The following INTS1 variants were observed in gnomAD, a reference collection of about 807,000 sequenced individuals.
INTS1 encodes the protein integrator complex subunit 1.
INTS1 carries 137 observed loss-of-function variants against 241.6 expected under a neutral mutation model. That is an observed-to-expected ratio of 0.57 (90% CI 0.49 to 0.65). The LOEUF (loss-of-function observed/expected upper bound fraction) is 0.65. INTS1 is among the 30% of genes least tolerant of loss of function. INTS1 has a pLI of 0.00. For missense variants in INTS1, 3,073 were observed against 3,032.2 expected, an observed-to-expected ratio of 1.01 and a Z score of -0.32; for synonymous variants, 1,692 against 1,337.8, an observed-to-expected ratio of 1.26 and a Z score of -5.78.
In INTS1 at chr7:1,472,308, T is replaced by A. The variant is rs745345293; in HGVS notation, c.6149A>T (p.Tyr2050Phe). 2.6e-5 allele frequency: 41 copies of A among 1,566,682 alleles called. No homozygotes were observed. Among genetic ancestry groups the A allele is most frequent in the Non-Finnish European group, 3.5e-5 (41 of 1,156,412 alleles). The change falls in exon 44 of 48, where the codon TAC becomes TTC. Residue 2050 changes from tyrosine (Y) to phenylalanine (F), a missense_variant. By Grantham distance (22) the Tyr-to-Phe change is conservative (BLOSUM62 3). Coordinates refer to ENST00000404767, the MANE Select transcript of INTS1 (RefSeq NM_001080453.3). ...TTGGCCCCGGGAAAGCCGTTTCATG[T>A]AGGGGGCCATCTCGGCCGCGGTCAG... The part of the protein sequence containing the change: ...TPLTAAEMAP[Y>F]MKRLSRGQTV...
chr7:1,473,464 G>C, intron 42 of INTS1, 102 bp downstream of exon 42: 1 of 1,387,688 alleles, frequency 7.2e-7, no homozygotes. Flanking sequence ...GGCCTCAGGA[G>C]CAGCATATCT....
intron 10 of INTS1, 66 bp downstream of exon 10, chr7:1,498,346 C>A: frequency 1.3e-6 from 2 of 1,589,158 alleles, no homozygotes; most frequent in South Asian, 2.3e-5. Context: ...CCAGACGCCA[C>A]GTGCCCCTCC....
chr7:1,471,307 T>C (rs1781457973), intron 45 of INTS1, 83 bp from the exon 46 acceptor site: 3 of 1,409,130 alleles, frequency 2.1e-6, no homozygotes, highest in South Asian at 1.2e-5. Flanking sequence ...CTCGTGATGG[T>C]TGGCGGCAAC....
chr7:1,486,788 G>A lies in INTS1; in HGVS notation c.2827-14C>T. 2 of 1,610,850 alleles carry A rather than the reference G, an allele frequency of 1.2e-6. No homozygotes were observed. The highest frequency in any genetic ancestry group is 1.7e-6 in the Non-Finnish European group (2 of 1,179,104). On this transcript the variant is annotated splice_polypyrimidine_tract_variant and intron_variant, in intron 21 of 47. Coordinates refer to ENST00000404767, the MANE Select transcript of INTS1 (RefSeq NM_001080453.3). ...CTTCTGTTGCCTCTGCAGGGAGGAA[G>A]GGGCTCTCAGGGGTGCAGGTGACAG...
In INTS1 at chr7:1,481,258, C is replaced by T. The variant is rs1781979883; in HGVS notation, c.3850+84G>A. The T allele has an allele frequency of 1.3e-6, 2 of 1,520,756 alleles. No individual in the cohort carries two copies. Among genetic ancestry groups the T allele is most frequent in the Middle Eastern group, 1.7e-4 (1 of 5,914 alleles). 94.2% of individuals were successfully genotyped at this position (1,520,756 alleles called of 1,614,324 possible). A position where few individuals can be genotyped will look rare whatever the true frequency, so the allele number is the denominator to read the frequency against. ...CACCCGACCTCGGATCACCCACCCG[C>T]TCGCACCCAGGCCCCAAAAGCCTGG... On this transcript the variant is annotated intron_variant, in intron 28 of 47. Transcript: ENST00000404767. This position sits in a 1 kb window ranked among gnomAD's most constrained non-coding sequence, Gnocchi z 6.8.
At chr7:1,498,953 C>A in intron 8 of INTS1, 22 bp downstream of exon 8, 1 of 1,468,296 alleles carries the variant, frequency 6.8e-7, no homozygotes, top group Non-Finnish European at 9.1e-7. Flanking sequence ...GCCCCGCCCA[C>A]CCCCCCGGGG....
chr7:1,487,379 C>T lies in INTS1; in HGVS notation c.2587G>A (p.Gly863Arg), dbSNP rs1227490464. ...VKSLNQSLRL[G>R]HLLCRSRNPD... ...TTTCGGCTGCGGCACAAGAGGTGCCCGAGGCGGAGGGACTGGTTGAGGCTT... is the reference window on the plus strand; with the variant it reads ...TTTCGGCTGCGGCACAAGAGGTGCCTGAGGCGGAGGGACTGGTTGAGGCTT... Residue 863 changes from glycine (G) to arginine (R), a missense_variant, in exon 20 of 48, where the codon GGG becomes AGG. Coordinates refer to ENST00000404767, the MANE Select transcript of INTS1 (RefSeq NM_001080453.3). The T allele has an allele frequency of 6.8e-6, 11 of 1,611,054 alleles. No individual in the cohort carries two copies. The highest frequency in any genetic ancestry group is 9.3e-6 in the Non-Finnish European group (11 of 1,179,032).
At chr7:1,478,096 AGGAGAGTGCGGCCGGGGCT>A (rs542322561) in intron 33 of INTS1, among the ~76,000 whole-genome samples, 160 bp from the exon 34 acceptor site, 1,918 of 152,022 alleles carry the variant, frequency 0.013, 26 homozygotes, top group Admixed American at 0.019. Context: ...GGGGCCGGAG[AGGAGAGTGCGGCCGGGGCT>A]GGAGAGTGCG....
chr7:1,504,071 C>T (rs1056874317), intron 1 of INTS1, 70 bp from the exon 2 acceptor site: 2 of 822,612 alleles, frequency 2.4e-6, no homozygotes, highest in East Asian at 3.0e-5. Flanking sequence ...CGCTCCCTTG[C>T]CGCACGGGGC....
intron 21 of INTS1, 27 bp downstream of exon 21, chr7:1,486,895 G>T (rs754156410): frequency 2.5e-6 from 4 of 1,587,272 alleles, no homozygotes; most frequent in South Asian, 1.1e-5. Flanking sequence ...TGAGAGGCGG[G>T]GGGGCTGAGG....
chr7:1,491,014 A>C (rs1169262760), intron 16 of INTS1, among the ~76,000 whole-genome samples: 1 of 152,228 alleles, frequency 6.6e-6, no homozygotes, highest in Non-Finnish European at 1.5e-5. Flanking sequence ...TCTCAACAAC[A>C]GTGCTGCGAC....
chr7:1,476,335 T>C lies in INTS1; in HGVS notation c.5272A>G (p.Ile1758Val), dbSNP rs371438264. 58 of 1,584,668 alleles carry C rather than the reference T, an allele frequency of 3.7e-5. No individual in the cohort carries two copies. In the African/African-American group the frequency reaches 7.0e-4, roughly 19 times the overall value. Residue 1758 changes from isoleucine to valine, a missense_variant, in exon 38 of 48, where the codon ATC becomes GTC. Ile to Val is a conservative substitution (Grantham distance 29). Coordinates refer to ENST00000404767, the MANE Select transcript of INTS1 (RefSeq NM_001080453.3). ...AGCAGCAGGGGCAGCCGGGCCTGGA[T>C]GAGGCTGCAGGCGGCTGTGTCCCCG... ...QDGDTAACSL[I>V]QARLPLLLSC...
Position 1,470,624 on chromosome 7 carries a change from G to C in INTS1, c.6526C>G (p.Gln2176Glu). 6.3e-7 allele frequency: 1 copy of C among 1,587,366 alleles called. No homozygotes were observed. The highest frequency in any genetic ancestry group is 8.6e-7 in the Non-Finnish European group (1 of 1,167,884). Residue 2176 changes from glutamine (Q) to glutamate (E), a missense_variant, in exon 48 of 48, where the codon CAG becomes GAG. Transcript: ENST00000404767. ...AGGATCCTCAGGGCCTCGGAGATCT[G>C]CGCGCTGGGGTCCATCTGGCCGTAC... ...GMYGQMDPSA[Q>E]ISEALRILHM...
Position 1,474,317 on chromosome 7 carries a change from G to T in INTS1, c.5680C>A (p.Leu1894Ile). The change falls in exon 41 of 48, where the codon CTC (leucine) becomes ATC (isoleucine). Residue 1894 changes from leucine to isoleucine, a missense_variant. Transcript: ENST00000404767. ...IAALLHGRTH[L>I]NFQEFRQQNH... is the part of the protein sequence containing the mutation. The stretch of plus-strand genomic sequence containing the variant: ...TGCTGCCGGAACTCCTGGAAGTTGA[G>T]GTGGGTGCGGCCGTGCAGGAGCGCC... The T allele has an allele frequency of 6.2e-7, 1 of 1,607,760 alleles. No individual in the cohort carries two copies.
rs371101388 is a variant in INTS1, at chr7:1,498,885, G to A, written c.1138-33C>T. The A allele has an allele frequency of 8.0e-4, 1,254 of 1,567,404 alleles. 1 individual carries two copies. The highest frequency in any genetic ancestry group is 9.7e-4 in the Non-Finnish European group (1,127 of 1,157,070). On this transcript the variant is annotated intron_variant, in intron 8 of 47. Transcript: ENST00000404767. The stretch of plus-strand genomic sequence containing the variant: ...GCCGAGGAGGGAGCAGTGGGCTCAC[G>A]GCCACCCCGGCAGGAAGACCACGCT...
rs766810758 is a variant in INTS1, at chr7:1,481,531, A to T, written c.3704-43T>A. ...CCGTAACGCCACCCAAAACCCGGGC[A>T]ATGCGCACTCGGGACCCCACCCGAG... is the stretch of plus-strand genomic sequence containing the variant. On this transcript the variant is annotated intron_variant, in intron 27 of 47. Coordinates refer to ENST00000404767, the MANE Select transcript of INTS1 (RefSeq NM_001080453.3). The surrounding 1 kb of genome is among the most constrained non-coding windows in gnomAD (Gnocchi z 6.8). The T allele has an allele frequency of 1.3e-6, 2 of 1,565,716 alleles. No homozygotes were observed. Among genetic ancestry groups the T allele is most frequent in the Admixed American group, 3.4e-5 (2 of 57,986 alleles).
intron 3 of INTS1, among the ~76,000 whole-genome samples, chr7:1,501,935 C>G (rs1783201170): frequency 1.3e-5 from 2 of 152,142 alleles, no homozygotes; most frequent in South Asian, 4.2e-4. Flanking sequence ...TTCCTGCCTG[C>G]CCCGGTTTCA....
chr7:1,498,838 G>C lies in INTS1; in HGVS notation c.1152C>G (p.Ala384=). 3.1e-6 allele frequency: 5 copies of C among 1,604,626 alleles called. No homozygotes were observed. The highest frequency in any genetic ancestry group is 4.3e-6 in the Non-Finnish European group (5 of 1,176,340). ...TGCAGACGGACATCAGCAGGTCCTG[G>C]GCCGGCCGGGTCAGCTGCGGGGCCG... ...WLQNPKLTRP[A]QDLLMSVCMN... is the part of the protein sequence containing the mutation. The change falls in exon 9 of 48, where the codon GCC becomes GCG. Residue 384 remains alanine (A), a synonymous_variant. Coordinates refer to ENST00000404767, the MANE Select transcript of INTS1 (RefSeq NM_001080453.3).
rs200886753 is a variant in INTS1, at chr7:1,477,743, C to A, written c.4814+10G>T. ...TGCCCACCCTGGCCGTGTGCAGCAC[C>A]CCAGCTCACCTGCCACCGTCCGCAC... On this transcript the variant is annotated intron_variant, in intron 34 of 47. Coordinates refer to ENST00000404767, the MANE Select transcript of INTS1 (RefSeq NM_001080453.3). 146 of 1,611,616 alleles carry A rather than the reference C, an allele frequency of 9.1e-5. No individual in the cohort carries two copies. The highest frequency in any genetic ancestry group is 1.1e-4 in the Non-Finnish European group (135 of 1,179,490).
Sources: gnomAD v4.1 joint callset for allele counts (sites outside exome capture counted in the v4.1 genomes callset) on GRCh38, gnomAD v4.1.1 for gene constraint, Gnocchi (gnomAD v3.1) non-coding constraint, MANE v1.5 for transcripts, NCBI Gene and HGNC (gene_info 2026-07-23, HGNC 2026-07-21) for gene names.